CMIP: variants seen among roughly 807,000 people sequenced by gnomAD.
The protein encoded by CMIP is C-Maf-inducing protein.
Under a neutral mutation model 97.3 loss-of-function variants are expected in CMIP, and 13 were observed. The observed-to-expected ratio is 0.13, with a 90% CI of 0.09 to 0.21. The LOEUF is 0.21. Ranked by LOEUF, CMIP falls within the 10% of genes least tolerant of loss-of-function variation. CMIP has a pLI of 1.00. For synonymous variants in CMIP, 538 were observed against 436.3 expected (o/e 1.23, Z -2.91); for missense variants, 847 against 1,024.9 (o/e 0.83, Z 2.37).
intron 1 of CMIP, among the ~76,000 whole-genome samples, chr16:81,493,848 G>T (rs911674285): frequency 6.6e-6 from 1 of 152,222 alleles, no homozygotes; most frequent in Non-Finnish European, 1.5e-5. Flanking sequence ...GGTGACCCAC[G>T]TGGCTTCAGG....
At chr16:81,472,747 A>G (rs954665279) in intron 1 of CMIP, among the ~76,000 whole-genome samples, 9 of 152,108 alleles carry the variant, frequency 5.9e-5, no homozygotes, top group African/African-American at 2.2e-4. Flanking sequence ...TCCTGTGCAG[A>G]TGTGGAGAGG....
chr16:81,515,346 T>G (rs1390116225), intron 1 of CMIP, among the ~76,000 whole-genome samples: 1 of 152,178 alleles, frequency 6.6e-6, no homozygotes, highest in South Asian at 2.1e-4. Context: ...TTGTGGTCCC[T>G]CACGCTTCTA....
At chr16:81,458,406 G>T (rs914883110) in intron 1 of CMIP, among the ~76,000 whole-genome samples, 3 of 152,210 alleles carry the variant, frequency 2.0e-5, no homozygotes, top group African/African-American at 4.8e-5. Flanking sequence ...GTTGCCCCCA[G>T]TGGTAAGCAG....
At chr16:81,523,967 C>T (rs909465435) in intron 1 of CMIP, among the ~76,000 whole-genome samples, 39 of 152,238 alleles carry the variant, frequency 2.6e-4, no homozygotes, top group African/African-American at 8.2e-4. Flanking sequence ...GGTGTTTTTG[C>T]CAGGTGTGCC....
chr16:81,452,880 G>GT (rs1220926915), intron 1 of CMIP, among the ~76,000 whole-genome samples: 23 of 63,718 alleles, frequency 3.6e-4, no homozygotes, highest in African/African-American at 1.7e-3. Flanking sequence ...TTTTTTTTTT[G>GT]TTTTGTTTTT....
intron 1 of CMIP, among the ~76,000 whole-genome samples, chr16:81,511,783 A>G (rs2089815114): frequency 6.6e-6 from 1 of 152,090 alleles, no homozygotes; most frequent in African/African-American, 2.4e-5. Flanking sequence ...GCTGGTCTCG[A>G]ACTCCTGGGC....
rs544743197 is a variant in CMIP at position 81,703,968 on chromosome 16, C to T, written c.1974C>T (p.Ser658=). The T allele has an allele frequency of 2.0e-4, 324 of 1,596,326 alleles. 3 individuals carry two copies. The South Asian group carries it at 3.2e-3, about 16-fold the overall frequency. ...CTGACTTGGCTCGTTTGCTGAGCTC[C>T]GGCTCCTTCGGAAACCTGGAGAACC... ...TDADLARLLS[S]GSFGNLENLS... Residue 658 remains serine, a synonymous_variant, in exon 18 of 21, where the codon TCC becomes TCT. Transcript: ENST00000537098.
intron 1 of CMIP, among the ~76,000 whole-genome samples, chr16:81,565,434 C>T (rs2090962310): frequency 1.3e-5 from 2 of 152,198 alleles, no homozygotes; most frequent in Non-Finnish European, 2.9e-5. Flanking sequence ...ACTCCATCCT[C>T]CTGCTCCCCT....
intron 17 of CMIP, chr16:81,703,722 C>G (rs1907692797): frequency 6.7e-6 from 4 of 594,822 alleles, no homozygotes; most frequent in Non-Finnish European, 1.2e-5. Context: ...CGCCTGGCAG[C>G]TGTCGTCCAT....
intron 1 of CMIP, among the ~76,000 whole-genome samples, chr16:81,449,272 CA>C (rs1367987115): frequency 1.3e-5 from 2 of 152,224 alleles, no homozygotes; most frequent in African/African-American, 4.8e-5. Context: ...CATAATTCAT[CA>C]GTGGCTTGTT....
chr16:81,705,472 A>C (rs1478174308), intron 18 of CMIP, 27 bp from the exon 19 acceptor site: 15 of 1,511,746 alleles, frequency 9.9e-6, no homozygotes, highest in Non-Finnish European at 1.4e-5. Flanking sequence ...TGGCCGGGAG[A>C]GGGCTGAGAG....
At chr16:81,446,373 A>G (rs1905843184) in intron 1 of CMIP, among the ~76,000 whole-genome samples, 1 of 151,594 alleles carries the variant, frequency 6.6e-6, no homozygotes, top group Admixed American at 6.6e-5. Flanking sequence ...TTCTGAAATC[A>G]GATCTGCAAA....
chr16:81,666,262 C>T (rs2092602233), intron 7 of CMIP: 1 of 152,192 alleles, frequency 6.6e-6, no homozygotes, highest in African/African-American at 2.4e-5. Context: ...TTCAGGTTTT[C>T]TTGCGAAGGA....
intron 1 of CMIP, among the ~76,000 whole-genome samples, chr16:81,499,944 G>A (rs562358591): frequency 2.6e-5 from 4 of 152,342 alleles, no homozygotes; most frequent in South Asian, 2.1e-4. Flanking sequence ...GGCGCCCCAC[G>A]CACTCTGGGC....
intron 1 of CMIP, among the ~76,000 whole-genome samples, chr16:81,528,971 C>T (rs1417795266): frequency 6.6e-6 from 1 of 152,094 alleles, no homozygotes; most frequent in Admixed American, 6.6e-5. Flanking sequence ...ACCCACCCAT[C>T]CCTCCATCTA....
intron 1 of CMIP, among the ~76,000 whole-genome samples, chr16:81,456,108 G>T (rs1279617987): frequency 6.6e-6 from 1 of 152,204 alleles, no homozygotes; most frequent in Non-Finnish European, 1.5e-5. Flanking sequence ...ACTGAGGCTT[G>T]CTTCAGGGTA....
intron 1 of CMIP, among the ~76,000 whole-genome samples, chr16:81,473,346 C>A (rs1332422631): frequency 6.6e-6 from 1 of 152,232 alleles, no homozygotes; most frequent in Non-Finnish European, 1.5e-5. Context: ...TCTGTAATTT[C>A]CATGTCTGGG....
At chr16:81,642,361 C>T (rs868449357) in intron 3 of CMIP, among the ~76,000 whole-genome samples, 2 of 152,286 alleles carry the variant, frequency 1.3e-5, no homozygotes, top group Middle Eastern at 3.4e-3. Context: ...GGCGTCCCTC[C>T]ACCCACCTTG....
At position 81,559,752 on chromosome 16, in the gene CMIP, C is replaced by G. The variant is rs111713098; in HGVS notation, c.301-47815C>G. Among the ~76,000 whole-genome samples the G allele has an allele frequency of 7.0e-4, 106 of 152,230 alleles. 1 individual carries two copies. The highest frequency in any genetic ancestry group is 2.3e-3 in the African/African-American group (96 of 41,534). ...TAAGTTACTGGCTTGTGCATTCGCT[C>G]TACTGTACATTTTATTGTTATTTTG... On this transcript the variant is annotated intron_variant, in intron 1 of 20. Transcript: ENST00000537098.
Sources: allele counts gnomAD v4.1 joint callset (sites outside exome capture counted in the v4.1 genomes callset), GRCh38; gene constraint gnomAD v4.1.1; transcripts MANE v1.5; gene names NCBI Gene and HGNC (gene_info 2026-07-23, HGNC 2026-07-21).